TUBG2: variants seen among roughly 807,000 people sequenced by gnomAD.
TUBG2 encodes tubulin gamma-2 chain.
In TUBG2, 39 loss-of-function variants were observed where a neutral mutation model predicts 55.1. That is an observed-to-expected ratio of 0.71 (90% CI 0.55 to 0.93). The LOEUF (loss-of-function observed/expected upper bound fraction) is 0.93, where lower values mean the gene tolerates loss of function less well. Ranked by LOEUF, TUBG2 falls within the 40% of genes least tolerant of loss-of-function variation. TUBG2 has a pLI of 0.00. For missense variants in TUBG2, 358 were observed against 599.1 expected (o/e 0.60, Z 4.20); for synonymous variants, 223 against 241.0 (o/e 0.93, Z 0.69).
chr17:42,663,168 C>A, intron 5 of TUBG2, 116 bp downstream of exon 5: 1 of 1,286,798 alleles, frequency 7.8e-7, no homozygotes, highest in Non-Finnish European at 1.1e-6. Context: ...GGGACAGACC[C>A]ACCCAAGGAC....
Position 42,659,511 on chromosome 17 carries a change from G to A in TUBG2, c.8G>A (p.Arg3Gln). MPREIITLQLGQC... is the reference protein window; with the variant it reads MPQEIITLQLGQC... ...GCCCACGTCTGAAGAGCGATGCCCC[G>A]GGAGATCATCACCCTGCAGCTGGGC... The change falls in exon 1 of 11, where the codon CGG becomes CAG. Residue 3 changes from arginine to glutamine, a missense_variant. Physicochemically the swap from Arg to Gln is conservative, Grantham distance 43. Around this residue, in one of 8 missense-constraint regions of TUBG2, gnomAD observed 17 missense variants for 16.9 expected, o/e 1.01. Transcript: ENST00000251412. 6.4e-7 allele frequency: 1 copy of A among 1,553,390 alleles called. No individual in the cohort carries two copies. Among genetic ancestry groups the A allele is most frequent in the Non-Finnish European group, 8.7e-7 (1 of 1,149,354 alleles).
In TUBG2 at chr17:42,666,074, A is replaced by G. The variant is rs2052531917; in HGVS notation, c.844-13A>G. On this transcript the variant is annotated splice_polypyrimidine_tract_variant and intron_variant, in intron 8 of 10. Transcript: ENST00000251412. Reference sequence around the variant, plus strand: ...TGAGCGCTGGCCGGGTCCCTGTCTCACTGTCCCATCAGGTGGCCAGCGTGA... The same window carrying G: ...TGAGCGCTGGCCGGGTCCCTGTCTCGCTGTCCCATCAGGTGGCCAGCGTGA... The G allele has an allele frequency of 2.5e-6, 4 of 1,613,730 alleles. No individual in the cohort carries two copies. The highest frequency in any genetic ancestry group is 2.7e-5 in the African/African-American group (2 of 74,898).
chr17:42,666,194 C>T lies in TUBG2; in HGVS notation c.951C>T (p.Tyr317=), dbSNP rs1055310145. The T allele has an allele frequency of 6.2e-7, 1 of 1,613,852 alleles. No individual in the cohort carries two copies. The highest frequency in any genetic ancestry group is 1.3e-5 in the African/African-American group (1 of 74,924). ...GAGACCGCCAGACCAACCACTGCTA[C>T]ATCGCCATCCTCAACATCATCCAGG... ...TGRDRQTNHC[Y]IAILNIIQGE... Residue 317 remains tyrosine (Y), a synonymous_variant, in exon 9 of 11, where the codon TAC becomes TAT. Coordinates refer to ENST00000251412, the MANE Select transcript of TUBG2 (RefSeq NM_016437.3).
intron 6 of TUBG2, among the ~76,000 whole-genome samples, chr17:42,664,862 A>ATATATG (rs59875337): frequency 0.96 from 138,416 of 144,798 alleles, 66,203 homozygotes; most frequent in East Asian, 0.99. Context: ...TTATATATAT[A>ATATATG]TATATATATT....
At chr17:42,660,931 G>A in intron 4 of TUBG2, 1 of 475,928 alleles carries the variant, frequency 2.1e-6, no homozygotes. Flanking sequence ...TCATTCAGCT[G>A]CTTCTCCAGC....
Position 42,660,666 on chromosome 17 carries a change from GAC to G in TUBG2, c.360_361del (p.Ile121HisfsTer9). ...QGEKIHEDIF[D>X]IIDREADGSD... Reference sequence around the variant, plus strand: ...TGAGAAAATTCATGAAGACATCTTTGACATCATAGACCGAGAAGCAGATGGAA... The same window carrying G: ...TGAGAAAATTCATGAAGACATCTTTGATCATAGACCGAGAAGCAGATGGAA... On this transcript the variant is annotated frameshift_variant, in exon 4 of 11. Coordinates refer to ENST00000251412, the MANE Select transcript of TUBG2 (RefSeq NM_016437.3). LOFTEE classifies it high-confidence loss of function. 6.2e-7 allele frequency: 1 copy of G among 1,614,088 alleles called. No homozygotes were observed. The highest frequency in any genetic ancestry group is 8.5e-7 in the Non-Finnish European group (1 of 1,180,016).
chr17:42,666,287 G>A, intron 9 of TUBG2, 36 bp from the exon 10 acceptor site: 2 of 1,614,118 alleles, frequency 1.2e-6, no homozygotes, highest in South Asian at 2.2e-5. Flanking sequence ...AGGGGTAGAG[G>A]AGAGGCCACC....
intron 2 of TUBG2, 86 bp from the exon 3 acceptor site, chr17:42,660,063 G>A: frequency 7.6e-7 from 1 of 1,314,384 alleles, no homozygotes; most frequent in Non-Finnish European, 1.1e-6. Context: ...CTTGAGGAGG[G>A]AGGGCCGGAG....
chr17:42,663,142 C>A, intron 5 of TUBG2, 90 bp downstream of exon 5: 1 of 1,440,794 alleles, frequency 6.9e-7, no homozygotes, highest in Non-Finnish European at 9.6e-7. Flanking sequence ...TCTGCCACTA[C>A]CCCTTTTGAG....
chr17:42,666,837 A>G lies in TUBG2; in HGVS notation c.*37A>G. On this transcript the variant is annotated 3_prime_UTR_variant, in exon 11 of 11. Coordinates refer to ENST00000251412, the MANE Select transcript of TUBG2 (RefSeq NM_016437.3). Reference sequence around the variant, plus strand: ...ACTACTCCTTCTCCTTCTAGATGGTAACCACAGCCTCGACCATGCCTGCTC... The same window carrying G: ...ACTACTCCTTCTCCTTCTAGATGGTGACCACAGCCTCGACCATGCCTGCTC... 6.2e-7 allele frequency: 1 copy of G among 1,610,874 alleles called. No individual in the cohort carries two copies. Among genetic ancestry groups the G allele is most frequent in the Non-Finnish European group, 8.5e-7 (1 of 1,177,478 alleles).
At chr17:42,660,914 G>A (rs902136772) in intron 4 of TUBG2, 1 of 517,424 alleles carries the variant, frequency 1.9e-6, no homozygotes, top group South Asian at 2.3e-5. Flanking sequence ...GGCCCCTTAG[G>A]CATGAGTCAT....
intron 1 of TUBG2, 133 bp from the exon 2 acceptor site, chr17:42,659,701 G>T: frequency 5.1e-6 from 7 of 1,384,488 alleles, no homozygotes; most frequent in Non-Finnish European, 5.9e-6. Context: ...TGCGCCTCCA[G>T]CCCGGGGCTG....
chr17:42,666,501 ATTC>A lies in TUBG2; in HGVS notation c.1158+23_1158+25del, dbSNP rs941637565. 3.7e-6 allele frequency: 6 copies of A among 1,613,820 alleles called. No homozygotes were observed. Among genetic ancestry groups the A allele is most frequent in the Admixed American group, 1.7e-5 (1 of 59,988 alleles). On this transcript the variant is annotated intron_variant, in intron 10 of 10. Coordinates refer to ENST00000251412, the MANE Select transcript of TUBG2 (RefSeq NM_016437.3). ...ATCTCCTCGGTGAGTCTAGGTTTCT[ATTC>A]TTCTTAGAAGAGTCTGTTCCACTGG...
intron 5 of TUBG2, 152 bp from the exon 6 acceptor site, chr17:42,663,225 A>G: frequency 7.7e-7 from 1 of 1,306,342 alleles, no homozygotes; most frequent in Non-Finnish European, 1.1e-6. Flanking sequence ...TGTGGAGGGG[A>G]GGGGATCTAC....
At chr17:42,661,722 G>T (rs1383224226) in intron 4 of TUBG2, among the ~76,000 whole-genome samples, 1 of 152,214 alleles carries the variant, frequency 6.6e-6, no homozygotes, top group Non-Finnish European at 1.5e-5. Flanking sequence ...CTGTTTATTT[G>T]TATCCTTTAA....
At chr17:42,661,677 C>A (rs569419272) in intron 4 of TUBG2, among the ~76,000 whole-genome samples, 1 of 152,390 alleles carries the variant, frequency 6.6e-6, no homozygotes, top group African/African-American at 2.4e-5. Flanking sequence ...GCGCCGGACC[C>A]TTCTAGAGCT....
chr17:42,660,206 A>G lies in TUBG2; in HGVS notation c.220A>G (p.Ile74Val), dbSNP rs756707103. Residue 74 changes from isoleucine to valine, a missense_variant, in exon 3 of 11, where the codon ATC becomes GTC. Physicochemically the swap from Ile to Val is conservative, Grantham distance 29 (BLOSUM62 3). Around this residue, in one of 8 missense-constraint regions of TUBG2, gnomAD observed 32 missense variants for 115.1 expected, o/e 0.28. Coordinates refer to ENST00000251412, the MANE Select transcript of TUBG2 (RefSeq NM_016437.3). ...AVLLDLEPRV[I>V]HSILNSPYAK... ...GCTGCTGGACTTGGAACCCCGGGTG[A>G]TCCACTCCATCCTCAACTCCCCCTA... 3.1e-6 allele frequency: 5 copies of G among 1,611,552 alleles called. No homozygotes were observed. Among genetic ancestry groups the G allele is most frequent in the Non-Finnish European group, 4.2e-6 (5 of 1,178,498 alleles).
Position 42,662,893 on chromosome 17 carries a change from C to A in TUBG2, c.400-80C>A, listed in dbSNP as rs527409698. ...TGCTTACCTGATGTGTGTGGTAAGA[C>A]CCCACCCATCTGGTATCAGAATTGT... is the stretch of plus-strand genomic sequence containing the variant. On this transcript the variant is annotated intron_variant, in intron 4 of 10. Coordinates refer to ENST00000251412, the MANE Select transcript of TUBG2 (RefSeq NM_016437.3). 7.7e-6 allele frequency: 11 copies of A among 1,430,450 alleles called. No homozygotes were observed. In the African/African-American group the frequency reaches 1.5e-4, roughly 20 times the overall value. 88.6% of individuals were successfully genotyped at this position (1,430,450 alleles called of 1,614,324 possible).
chr17:42,659,616 C>T, intron 1 of TUBG2, 64 bp downstream of exon 1: 1 of 1,499,288 alleles, frequency 6.7e-7, no homozygotes. Flanking sequence ...CACCCAAGTG[C>T]CTGGCTTCCA....
Sources: allele counts gnomAD v4.1 joint callset (sites outside exome capture counted in the v4.1 genomes callset), GRCh38; gene constraint gnomAD v4.1.1; regional missense constraint gnomAD v4.1.1; transcripts MANE v1.5; gene names NCBI Gene and HGNC (gene_info 2026-07-23, HGNC 2026-07-21).